N4BP2L2: variants seen among roughly 807,000 people sequenced by gnomAD.
N4BP2L2 encodes NEDD4 binding protein 2 like 2.
In N4BP2L2, 50 loss-of-function variants were observed where a neutral mutation model predicts 56.2. The observed-to-expected ratio is 0.89, with a 90% confidence interval of 0.71 to 1.13. The LOEUF is 1.13. Among genes scored for constraint, N4BP2L2 ranks in the 50% most tolerant of loss-of-function variants. The pLI is 0.00. For synonymous variants in N4BP2L2, 203 were observed against 223.6 expected, an observed-to-expected ratio of 0.91 and a Z score of 0.82; for missense variants, 689 against 693.8, an observed-to-expected ratio of 0.99 and a Z score of 0.08.
intron 6 of N4BP2L2, chr13:32,505,015 A>T (rs2090683968): frequency 1.3e-5 from 2 of 152,298 alleles, no homozygotes; most frequent in Admixed American, 1.3e-4. Flanking sequence ...CAGGGGTGGC[A>T]GCCCTGTCTT....
At chr13:32,497,959 A>G (rs754874770) in intron 6 of N4BP2L2, among the ~76,000 whole-genome samples, 2 of 152,212 alleles carry the variant, frequency 1.3e-5, no homozygotes, top group Non-Finnish European at 2.9e-5. Context: ...AGTAAAAAAA[A>G]AAATTTTATA....
chr13:32,452,352 C>T (rs991480869), intron 6 of N4BP2L2, among the ~76,000 whole-genome samples: 14 of 151,646 alleles, frequency 9.2e-5, no homozygotes, highest in South Asian at 4.2e-4. Flanking sequence ...TGAGCCACTG[C>T]GCCCAGCCAG....
At position 32,536,615 on chromosome 13, in the gene N4BP2L2, TCATTA is replaced by T. The variant is rs1302242878; in HGVS notation, c.408_412del (p.Asn137ArgfsTer4). ...TAGAACATGTGCCTCATTCCTCCCT[TCATTA>T]CGTTTCTTTTTCTCAGGGGGTTTGT... On this transcript the variant is annotated frameshift_variant, in exon 2 of 6. Coordinates refer to ENST00000267068, the Ensembl canonical transcript of N4BP2L2. LOFTEE classifies it high-confidence loss of function. 2 of 1,613,954 alleles carry T rather than the reference TCATTA, an allele frequency of 1.2e-6. No homozygotes were observed. The highest frequency in any genetic ancestry group is 1.7e-6 in the Non-Finnish European group (2 of 1,179,986).
intron 6 of N4BP2L2, chr13:32,477,743 G>A: frequency 5.4e-6 from 3 of 556,688 alleles, no homozygotes; most frequent in East Asian, 7.0e-5. Context: ...GGAACCTTGA[G>A]CCTAAGTGGT....
chr13:32,477,482 T>C (rs1033991253), intron 6 of N4BP2L2: 1 of 198,502 alleles, frequency 5.0e-6, no homozygotes, highest in South Asian at 9.9e-5. Flanking sequence ...AAAGAGGTTA[T>C]AGAAGATTGT....
At chr13:32,494,736 A>G (rs2088124853) in intron 6 of N4BP2L2, among the ~76,000 whole-genome samples, 1 of 152,194 alleles carries the variant, frequency 6.6e-6, no homozygotes, top group African/African-American at 2.4e-5. Flanking sequence ...ACTGCACTCC[A>G]GCCTGGGTGA....
chr13:32,521,330 A>C, intron 5 of N4BP2L2, 43 bp downstream of exon 5: 2 of 1,383,236 alleles, frequency 1.4e-6, no homozygotes, highest in Non-Finnish European at 2.0e-6. Context: ...TCACAAAAGA[A>C]AGAAGAAAAG....
In N4BP2L2 at chr13:32,461,004, C is replaced by T. The variant is rs1477092641; in HGVS notation, c.366-16878G>A. 2.6e-5 allele frequency among the ~76,000 whole-genome samples: 4 copies of T among 152,080 alleles called. No homozygotes were observed. In the East Asian group the frequency reaches 7.7e-4, roughly 29 times the overall value. On this transcript the variant is annotated intron_variant, in intron 6 of 9. Coordinates refer to the N4BP2L2 transcript ENST00000357505. ...TTTTGACAATGGCACCAAGAACATA[C>T]ATTAGGGAATGGACACCTTCTTTGA... is the stretch of plus-strand genomic sequence containing the variant.
At chr13:32,512,465 AT>A (rs1208516879) in exon 6 of N4BP2L2, 1 of 152,196 alleles carries the variant, frequency 6.6e-6, no homozygotes, top group African/African-American at 2.4e-5. Flanking sequence ...AACATATTCC[AT>A]TCTGGGAAGT....
chr13:32,515,460 G>T (rs2049001321), exon 6 of N4BP2L2: 1 of 152,194 alleles, frequency 6.6e-6, no homozygotes, highest in Middle Eastern at 3.4e-3. Context: ...TTCTGAGTAA[G>T]AATGTTAGCT....
At chr13:32,449,705 T>C (rs1277912427) in intron 6 of N4BP2L2, among the ~76,000 whole-genome samples, 4 of 152,216 alleles carry the variant, frequency 2.6e-5, no homozygotes, top group African/African-American at 9.7e-5. Context: ...ACTTCATAAA[T>C]GGCAGCTCTT....
chr13:32,453,288 C>T, intron 6 of N4BP2L2, among the ~76,000 whole-genome samples: 1 of 151,934 alleles, frequency 6.6e-6, no homozygotes, highest in East Asian at 1.9e-4. Flanking sequence ...TGAGTGATGT[C>T]AGCAAAAATG....
chr13:32,443,657 T>G, exon 7 of N4BP2L2: 3 of 1,611,512 alleles, frequency 1.9e-6, no homozygotes, highest in Non-Finnish European at 2.5e-6. Context: ...TTTTCTACCT[T>G]CATGCCAGAG....
chr13:32,459,435 A>T (rs1381420970), intron 6 of N4BP2L2, among the ~76,000 whole-genome samples: 1 of 152,156 alleles, frequency 6.6e-6, no homozygotes, highest in African/African-American at 2.4e-5. Context: ...TCAGAAATGA[A>T]AAACGAGACA....
intron 6 of N4BP2L2, among the ~76,000 whole-genome samples, chr13:32,462,085 C>A (rs891253491): frequency 6.6e-6 from 1 of 152,114 alleles, no homozygotes; most frequent in African/African-American, 2.4e-5. Context: ...GCAATTCCAC[C>A]TTGGGATATT....
At chr13:32,475,621 C>T (rs1050179211) in intron 6 of N4BP2L2, among the ~76,000 whole-genome samples, 1 of 152,152 alleles carries the variant, frequency 6.6e-6, no homozygotes, top group Non-Finnish European at 1.5e-5. Context: ...TCTTTCTGTA[C>T]ACGTGGCTGA....
chr13:32,505,786 A>G (rs2090847751), downstream of N4BP2L2: 2 of 152,342 alleles, frequency 1.3e-5, no homozygotes, highest in Admixed American at 6.5e-5. Flanking sequence ...TCAAGGTGAC[A>G]TATGTATACC....
intron 6 of N4BP2L2, among the ~76,000 whole-genome samples, chr13:32,483,125 G>A (rs1307107366): frequency 1.3e-5 from 2 of 152,156 alleles, no homozygotes; most frequent in African/African-American, 4.8e-5. Flanking sequence ...ATGTTTATTA[G>A]TCAAACGAAA....
At chr13:32,482,454 T>G (rs1038567041) in intron 6 of N4BP2L2, among the ~76,000 whole-genome samples, 3 of 152,124 alleles carry the variant, frequency 2.0e-5, no homozygotes, top group Non-Finnish European at 2.9e-5. Flanking sequence ...CTCTGCCTCC[T>G]GGGTTCAAGT....
Sources: allele counts gnomAD v4.1 joint callset (sites outside exome capture counted in the v4.1 genomes callset), GRCh38; gene constraint gnomAD v4.1.1; transcripts MANE v1.5; gene names NCBI Gene and HGNC (gene_info 2026-07-23, HGNC 2026-07-21).